The following HACL1 variants were observed in gnomAD, a reference collection of about 807,000 sequenced individuals.
HACL1 encodes the protein 1600020H07Rik.
In HACL1, 64 loss-of-function variants were observed where a neutral mutation model predicts 74.2. The observed-to-expected ratio is 0.86, with a 90% CI of 0.70 to 1.06. The LOEUF is 1.06. HACL1 is among the 50% of genes least tolerant of loss of function. The pLI, the probability that HACL1 is intolerant of heterozygous loss-of-function variation, is 0.00. For missense variants in HACL1, 728 were observed against 719.7 expected, an observed-to-expected ratio of 1.01 and a Z score of -0.13; for synonymous variants, 230 against 238.8, an observed-to-expected ratio of 0.96 and a Z score of 0.34.
Position 15,568,473 on chromosome 3 carries a change from G to A in HACL1, c.1209C>T (p.Asp403=), listed in dbSNP as rs747973460. 4 of 1,606,680 alleles carry A rather than the reference G, an allele frequency of 2.5e-6. No individual in the cohort carries two copies. In the South Asian group the frequency reaches 3.3e-5, roughly 13 times the overall value. ...AGTTCTGAAGCACAGTCCGTCCAAT[G>A]TCCATAGTATTTGCTCCTTCACTTA... The part of the protein sequence containing the change: ...FVVSEGANTM[D]IGRTVLQNYL... Residue 403 remains aspartate, a synonymous_variant, in exon 13 of 17, where the codon GAC becomes GAT. Transcript: ENST00000321169.
At chr3:15,598,039 A>G (rs6808956) in intron 2 of HACL1, among the ~76,000 whole-genome samples, 6,765 of 150,310 alleles carry the variant, frequency 0.045, 468 homozygotes, top group African/African-American at 0.15. Flanking sequence ...TTTTTGAGAC[A>G]GAGTTTCGGA....
intron 3 of HACL1, among the ~76,000 whole-genome samples, chr3:15,595,633 G>A (rs1214247368): frequency 4.6e-5 from 6 of 130,010 alleles, no homozygotes; most frequent in Admixed American, 4.2e-4. Flanking sequence ...TTTTTGAGAC[G>A]GAGTCTCACT....
intron 14 of HACL1, 48 bp downstream of exon 14, chr3:15,567,796 T>C (rs1238575090): frequency 2.6e-6 from 4 of 1,554,066 alleles, no homozygotes; most frequent in Non-Finnish European, 8.9e-7. Context: ...GTGTGTCATT[T>C]TTCATATTCT....
In HACL1 at chr3:15,586,554, T is replaced by C. The variant is rs138050774; in HGVS notation, c.430A>G (p.Ile144Val). The change falls in exon 6 of 17, where the codon ATA (isoleucine) becomes GTA (valine). Residue 144 changes from isoleucine to valine, a missense_variant. By Grantham distance (29) the Ile-to-Val change is conservative. Coordinates refer to ENST00000321169, the MANE Select transcript of HACL1 (RefSeq NM_012260.4). ...TCAATAACAAAAGGAATAGCTTCTA[T>C]GCTGCTTGGGCGGGCAGAGAACTTG... ...YTKFSARPSS[I>V]EAIPFVIEKA... is the part of the protein sequence containing the mutation. 4 of 1,599,910 alleles carry C rather than the reference T, an allele frequency of 2.5e-6. No individual in the cohort carries two copies. Among genetic ancestry groups the C allele is most frequent in the African/African-American group, 2.7e-5 (2 of 74,570 alleles).
intron 8 of HACL1, among the ~76,000 whole-genome samples, chr3:15,581,074 G>C (rs113850952): frequency 2.0e-5 from 3 of 152,142 alleles, no homozygotes; most frequent in African/African-American, 4.8e-5. Flanking sequence ...GCTAATTTTT[G>C]TATTTTCAGT....
chr3:15,564,941 C>A (rs377566549), intron 14 of HACL1, among the ~76,000 whole-genome samples: 3 of 151,982 alleles, frequency 2.0e-5, no homozygotes, highest in African/African-American at 7.2e-5. Flanking sequence ...CTGAGGTGGG[C>A]GGATCACAAG....
chr3:15,591,307 TC>T (rs1245082441), intron 4 of HACL1, among the ~76,000 whole-genome samples: 1 of 152,132 alleles, frequency 6.6e-6, no homozygotes, highest in Non-Finnish European at 1.5e-5. Context: ...TAAAATTTAC[TC>T]TCTTTGCAAA....
At chr3:15,575,677 G>A (rs2125246155) in intron 9 of HACL1, among the ~76,000 whole-genome samples, 1 of 152,178 alleles carries the variant, frequency 6.6e-6, no homozygotes, top group Non-Finnish European at 1.5e-5. Context: ...GAGCAGTTGG[G>A]ACTACAGGCA....
chr3:15,569,763 T>C (rs1026611304), intron 12 of HACL1, among the ~76,000 whole-genome samples: 3 of 150,704 alleles, frequency 2.0e-5, no homozygotes, highest in Non-Finnish European at 4.4e-5. Flanking sequence ...GAGGTTGCGG[T>C]GAGCCAAGCT....
chr3:15,595,074 CCG>C (rs2064031793), intron 3 of HACL1, among the ~76,000 whole-genome samples: 1 of 152,082 alleles, frequency 6.6e-6, no homozygotes, highest in Non-Finnish European at 1.5e-5. Flanking sequence ...TTCCACTGAG[CCG>C]AGATTGCACC....
At chr3:15,562,423 T>C (rs1317626119) in intron 16 of HACL1, among the ~76,000 whole-genome samples, 1 of 152,238 alleles carries the variant, frequency 6.6e-6, no homozygotes, top group Non-Finnish European at 1.5e-5. Context: ...TTTACACAAA[T>C]AGAATTTCAA....
At chr3:15,595,179 C>T (rs1464080462) in intron 3 of HACL1, among the ~76,000 whole-genome samples, 1 of 152,000 alleles carries the variant, frequency 6.6e-6, no homozygotes, top group Non-Finnish European at 1.5e-5. Flanking sequence ...ATTGTTCTAG[C>T]ATTTTTTACA....
chr3:15,563,473 T>C lies in HACL1; in HGVS notation c.1589A>G (p.Tyr530Cys). ...QVMTAFGGKG[Y>C]FVQTPEELQK... ...GAGTTCTTCTGGTGTTTGTACAAAA[T>C]ACCCTTTGCCTCCAAATGCAGTCAT... Residue 530 changes from tyrosine to cysteine, a missense_variant, in exon 16 of 17, where the codon TAT (tyrosine) becomes TGT (cysteine). Coordinates refer to ENST00000321169, the MANE Select transcript of HACL1 (RefSeq NM_012260.4). The C allele has an allele frequency of 6.2e-7, 1 of 1,609,998 alleles. No individual in the cohort carries two copies. Among genetic ancestry groups the C allele is most frequent in the Non-Finnish European group, 8.5e-7 (1 of 1,176,212 alleles).
intron 2 of HACL1, among the ~76,000 whole-genome samples, chr3:15,599,483 C>T (rs1228113613): frequency 6.6e-6 from 1 of 151,792 alleles, no homozygotes; most frequent in Non-Finnish European, 1.5e-5. Flanking sequence ...TTTAGAAAAA[C>T]CTTTAGTCTC....
At position 15,591,674 on chromosome 3, in the gene HACL1, T is replaced by A. The variant is rs1162159245; in HGVS notation, c.234A>T (p.Gly78=). The A allele has an allele frequency of 6.2e-7, 1 of 1,608,880 alleles. No homozygotes were observed. The highest frequency in any genetic ancestry group is 1.7e-5 in the Admixed American group (1 of 59,870). ...SAIGYLTSRP[G]VCLVVSGPGL... is the part of the protein sequence containing the mutation. Reference sequence around the variant, plus strand: ...CTGGGCCAGAAACAACAAGGCAGACTCCTGGCCTAAAAGCAAAACAGAATT... The same window carrying A: ...CTGGGCCAGAAACAACAAGGCAGACACCTGGCCTAAAAGCAAAACAGAATT... Residue 78 remains glycine, a synonymous_variant, in exon 4 of 17, where the codon GGA becomes GGT. Transcript: ENST00000321169.
At chr3:15,585,223 G>T (rs768851641) in intron 7 of HACL1, 25 bp downstream of exon 7, 3 of 1,122,748 alleles carry the variant, frequency 2.7e-6, no homozygotes, top group Non-Finnish European at 4.1e-6. Flanking sequence ...ATTGAAGAAA[G>T]AATTCCAGCA....
rs1289379949 is a variant in HACL1, at chr3:15,591,639, T to C, written c.269A>G (p.His90Arg). ...CLVVSGPGLIHALGGMANANM... is the reference protein window; with the variant it reads ...CLVVSGPGLIRALGGMANANM... ...TGCATTTGCCATACCGCCCAAGGCA[T>C]GGATGAGACCTGGGCCAGAAACAAC... The change falls in exon 4 of 17, where the codon CAT (histidine) becomes CGT (arginine). Residue 90 changes from histidine to arginine, a missense_variant. By Grantham distance (29) the His-to-Arg change is conservative (BLOSUM62 0). Coordinates refer to ENST00000321169, the MANE Select transcript of HACL1 (RefSeq NM_012260.4). 1.9e-6 allele frequency: 3 copies of C among 1,612,116 alleles called. No individual in the cohort carries two copies. Among genetic ancestry groups the C allele is most frequent in the Non-Finnish European group, 2.5e-6 (3 of 1,178,372 alleles).
chr3:15,594,146 G>A (rs1559563422), intron 3 of HACL1, among the ~76,000 whole-genome samples: 2 of 152,168 alleles, frequency 1.3e-5, no homozygotes, highest in African/African-American at 2.4e-5. Context: ...GGTGGCTGAC[G>A]TCTGTAATCC....
chr3:15,579,072 C>T (rs2063677324), intron 9 of HACL1, among the ~76,000 whole-genome samples: 1 of 152,224 alleles, frequency 6.6e-6, no homozygotes, highest in South Asian at 2.1e-4. Context: ...TGGTTAAGTT[C>T]ACACTTCGAT....
Sources: gnomAD v4.1 joint callset for allele counts (sites outside exome capture counted in the v4.1 genomes callset) on GRCh38, gnomAD v4.1.1 for gene constraint, MANE v1.5 for transcripts, NCBI Gene and HGNC (gene_info 2026-07-23, HGNC 2026-07-21) for gene names.